Variants in SELENOF observed in about 807,000 individuals in gnomAD.
The protein encoded by SELENOF is 15 kDa selenoprotein.
A neutral mutation model predicts 20.5 loss-of-function variants in SELENOF; 16 were observed. The observed-to-expected ratio is 0.78, with a 90% CI of 0.53 to 1.19. SELENOF has a LOEUF of 1.19. Among genes scored for constraint, SELENOF ranks in the 50% most tolerant of loss-of-function variants. The pLI is 0.00. For synonymous variants in SELENOF, 78 were observed against 74.5 expected (o/e 1.05, Z -0.24); for missense variants, 215 against 194.2 (o/e 1.11, Z -0.64).
At chr1:86,864,279 T>C (rs906571343) in intron 4 of SELENOF, among the ~76,000 whole-genome samples, 2 of 152,238 alleles carry the variant, frequency 1.3e-5, no homozygotes, top group African/African-American at 4.8e-5. Flanking sequence ...AAACTTCAAA[T>C]CCATTAGTTG....
chr1:86,887,046 G>C (rs938664666), intron 2 of SELENOF: 271 of 1,205,972 alleles, frequency 2.2e-4, no homozygotes, highest in Non-Finnish European at 2.7e-4. Context: ...GAATTCTCAG[G>C]GAAAATATTA....
At chr1:86,884,574 G>A (rs1415670034) in intron 2 of SELENOF, among the ~76,000 whole-genome samples, 1 of 152,102 alleles carries the variant, frequency 6.6e-6, no homozygotes, top group Non-Finnish European at 1.5e-5. Flanking sequence ...CTTATAAATA[G>A]TAGAAATTCT....
intron 2 of SELENOF, among the ~76,000 whole-genome samples, chr1:86,896,451 A>C (rs1659528636): frequency 6.6e-6 from 1 of 152,206 alleles, no homozygotes. Flanking sequence ...TATTTAACCC[A>C]CTAAAATACT....
rs961252232 is a variant in SELENOF, at chr1:86,863,377, T to C, written c.*97A>G. 1.1e-4 allele frequency: 108 copies of C among 1,012,712 alleles called. No individual in the cohort carries two copies. The highest frequency in any genetic ancestry group is 6.9e-4 in the Middle Eastern group (3 of 4,370). The allele number at this position is 1,012,712 out of a possible 1,614,324, so 62.7% of individuals were successfully genotyped here. ...ATATTTAATGCCTCAAGTAAAAGACTGATCAATGGAAGCAAGCAAAACTAA... is the reference window on the plus strand; with the variant it reads ...ATATTTAATGCCTCAAGTAAAAGACCGATCAATGGAAGCAAGCAAAACTAA... On this transcript the variant is annotated 3_prime_UTR_variant, in exon 5 of 5. Transcript: ENST00000331835.
intron 1 of SELENOF, among the ~76,000 whole-genome samples, chr1:86,905,697 G>A (rs890415952): frequency 5.3e-5 from 8 of 152,272 alleles, no homozygotes; most frequent in East Asian, 1.9e-4. Context: ...AAGCCATAGC[G>A]TCAGGTAGGG....
chr1:86,883,717 GATA>G (rs1659138741), intron 2 of SELENOF, among the ~76,000 whole-genome samples: 1 of 152,068 alleles, frequency 6.6e-6, no homozygotes, highest in Admixed American at 6.5e-5. Flanking sequence ...TGTGGGAAAT[GATA>G]ATGATTGTAC....
intron 2 of SELENOF, among the ~76,000 whole-genome samples, chr1:86,882,247 C>CAAAAAAAA (rs61037512): frequency 3.8e-3 from 232 of 61,396 alleles, no homozygotes; most frequent in Middle Eastern, 0.013. Flanking sequence ...GACTCTGTCT[C>CAAAAAAAA]AAAAAAAAAA....
intron 2 of SELENOF, among the ~76,000 whole-genome samples, chr1:86,891,591 G>T (rs922761888): frequency 2.0e-5 from 3 of 152,020 alleles, no homozygotes; most frequent in African/African-American, 7.3e-5. Context: ...ATCCTAATTT[G>T]TAATTATGTA....
intron 4 of SELENOF, 70 bp from the exon 5 acceptor site, chr1:86,863,675 A>G: frequency 1.4e-6 from 2 of 1,397,932 alleles, no homozygotes; most frequent in Non-Finnish European, 1.9e-6. Flanking sequence ...TCTAAGACAA[A>G]GCAATTCAAT....
chr1:86,872,010 T>C (rs1658782346), intron 3 of SELENOF, among the ~76,000 whole-genome samples: 1 of 152,154 alleles, frequency 6.6e-6, no homozygotes, highest in African/African-American at 2.4e-5. Context: ...TTAATAACTT[T>C]CGGTATACAA....
At chr1:86,899,410 G>GA (rs1659614332) in intron 2 of SELENOF, among the ~76,000 whole-genome samples, 1 of 126,382 alleles carries the variant, frequency 7.9e-6, no homozygotes, top group Admixed American at 7.2e-5. Flanking sequence ...TGGCCGGGCA[G>GA]GGGGCCGACC....
At chr1:86,902,845 T>C (rs1247879973) in intron 2 of SELENOF, among the ~76,000 whole-genome samples, 4 of 152,332 alleles carry the variant, frequency 2.6e-5, no homozygotes, top group African/African-American at 9.6e-5. Context: ...TAACAGTCCA[T>C]ATTCTTTTTA....
At chr1:86,878,851 T>C (rs927454036) in intron 3 of SELENOF, among the ~76,000 whole-genome samples, 1 of 152,192 alleles carries the variant, frequency 6.6e-6, no homozygotes, top group Non-Finnish European at 1.5e-5. Flanking sequence ...TAACAACTTT[T>C]CACGGGCTCA....
chr1:86,907,742 G>A (rs1420711331), intron 1 of SELENOF, among the ~76,000 whole-genome samples: 1 of 152,048 alleles, frequency 6.6e-6, no homozygotes, highest in Non-Finnish European at 1.5e-5. Flanking sequence ...TCAGTGCTTT[G>A]GTAGGCCAAG....
At chr1:86,904,188 A>G (rs150619441) in intron 1 of SELENOF, among the ~76,000 whole-genome samples, 52 of 152,238 alleles carry the variant, frequency 3.4e-4, no homozygotes, top group African/African-American at 1.2e-3. Flanking sequence ...CCAGCAGAAG[A>G]AGGACGGGAA....
At chr1:86,886,433 C>A (rs369826164) in intron 2 of SELENOF, among the ~76,000 whole-genome samples, 1 of 146,166 alleles carries the variant, frequency 6.8e-6, no homozygotes. Context: ...TGTTACAGTA[C>A]TTTTTTTTTT....
chr1:86,875,415 G>T (rs772572070), intron 3 of SELENOF, among the ~76,000 whole-genome samples: 9 of 152,100 alleles, frequency 5.9e-5, no homozygotes, highest in Non-Finnish European at 1.0e-4. Context: ...AAAAAATTAT[G>T]ACTTTTAGGA....
chr1:86,897,988 C>T (rs1381213741), intron 2 of SELENOF, among the ~76,000 whole-genome samples: 1 of 152,172 alleles, frequency 6.6e-6, no homozygotes, highest in African/African-American at 2.4e-5. Context: ...GGTATCTTTA[C>T]CCTTCTAAAG....
chr1:86,876,284 G>A (rs1430653318), intron 3 of SELENOF, among the ~76,000 whole-genome samples: 2 of 152,144 alleles, frequency 1.3e-5, no homozygotes, highest in Non-Finnish European at 2.9e-5. Flanking sequence ...TGTGTTTCAT[G>A]CTTATGCCTT....
Sources: gnomAD v4.1 joint callset for allele counts (sites outside exome capture counted in the v4.1 genomes callset) on GRCh38, gnomAD v4.1.1 for gene constraint, MANE v1.5 for transcripts, NCBI Gene and HGNC (gene_info 2026-07-23, HGNC 2026-07-21) for gene names.